The following XYLT1 variants were observed in gnomAD, a reference collection of about 807,000 sequenced individuals.
XYLT1 encodes xylosyltransferase 1.
In XYLT1, 36 loss-of-function variants were observed where a neutral mutation model predicts 91.3. That is an observed-to-expected ratio of 0.39 (90% CI 0.30 to 0.52). The LOEUF is 0.52. Among genes scored for constraint, XYLT1 ranks in the 20% least tolerant of loss-of-function variants. The pLI is 0.68. For missense variants in XYLT1, 1,242 were observed against 1,284.5 expected (o/e 0.97, Z 0.51); for synonymous variants, 588 against 532.0 (o/e 1.11, Z -1.45).
chr16:17,406,879 G>A (rs1174877913), intron 1 of XYLT1, among the ~76,000 whole-genome samples: 1 of 152,118 alleles, frequency 6.6e-6, no homozygotes, highest in Non-Finnish European at 1.5e-5. Context: ...CCCTGGGTTG[G>A]GTGTGGTATG....
intron 10 of XYLT1, among the ~76,000 whole-genome samples, chr16:17,127,374 C>T (rs767653325): frequency 4.6e-5 from 7 of 152,134 alleles, no homozygotes; most frequent in Non-Finnish European, 1.0e-4. Flanking sequence ...TAAAATGGGA[C>T]TAATATTACT....
intron 1 of XYLT1, among the ~76,000 whole-genome samples, chr16:17,465,556 T>TGGGGGG (rs68156050): frequency 3.0e-5 from 3 of 101,226 alleles, no homozygotes; most frequent in Admixed American, 9.3e-5. Context: ...TGTTTTTTTT[T>TGGGGGG]GGGGGGGGGG....
chr16:17,214,513 C>G (rs2032819686), intron 3 of XYLT1, among the ~76,000 whole-genome samples: 1 of 152,174 alleles, frequency 6.6e-6, no homozygotes, highest in African/African-American at 2.4e-5. Context: ...ACTCCTGATC[C>G]ATAGAATCCA....
intron 2 of XYLT1, among the ~76,000 whole-genome samples, chr16:17,331,390 A>C (rs1282718889): frequency 1.3e-5 from 2 of 152,192 alleles, no homozygotes; most frequent in African/African-American, 4.8e-5. Context: ...AAAGAGAATG[A>C]GCCAATGTCT....
chr16:17,167,125 G>T (rs1296544825), intron 5 of XYLT1, among the ~76,000 whole-genome samples: 2 of 152,212 alleles, frequency 1.3e-5, no homozygotes, highest in African/African-American at 4.8e-5. Context: ...GAGGGGAGAT[G>T]CAGACCTCAG....
At chr16:17,371,030 TG>T in intron 1 of XYLT1, among the ~76,000 whole-genome samples, 1 of 152,200 alleles carries the variant, frequency 6.6e-6, no homozygotes. Flanking sequence ...CACTTTCAGC[TG>T]GAGGACCTGA....
At chr16:17,234,075 G>A (rs2033209068) in intron 3 of XYLT1, among the ~76,000 whole-genome samples, 1 of 152,172 alleles carries the variant, frequency 6.6e-6, no homozygotes, top group Non-Finnish European at 1.5e-5. Context: ...CCGGACCTAA[G>A]ACACACTTAT....
chr16:17,144,753 T>A (rs1444355667), intron 6 of XYLT1, among the ~76,000 whole-genome samples: 1 of 152,194 alleles, frequency 6.6e-6, no homozygotes, highest in Non-Finnish European at 1.5e-5. Flanking sequence ...GGGATCTAAG[T>A]GTCTCGAGGA....
chr16:17,368,559 ATAGAT>A (rs891075097), intron 1 of XYLT1, among the ~76,000 whole-genome samples: 5 of 118,038 alleles, frequency 4.2e-5, no homozygotes, highest in Admixed American at 7.9e-5. Context: ...GACTGGATAG[ATAGAT>A]TTTTTTTTTT....
chr16:17,410,653 T>TC (rs1418072182), intron 1 of XYLT1, among the ~76,000 whole-genome samples: 1 of 150,782 alleles, frequency 6.6e-6, no homozygotes, highest in East Asian at 1.9e-4. Flanking sequence ...TACTTTTTTT[T>TC]TTTTTTTTTT....
At position 17,114,358 on chromosome 16, in the gene XYLT1, G is replaced by A. The variant is rs572095273; in HGVS notation, c.2557+3288C>T. Reference sequence around the variant, plus strand: ...CAGACTTGTGATTAGCGGGCAGAAGGGGGTGGTCTTATGGCACTGAGCCCT... The same window carrying A: ...CAGACTTGTGATTAGCGGGCAGAAGAGGGTGGTCTTATGGCACTGAGCCCT... On this transcript the variant is annotated intron_variant, in intron 11 of 11. Coordinates refer to ENST00000261381, the MANE Select transcript of XYLT1 (RefSeq NM_022166.4). 7.2e-5 allele frequency among the ~76,000 whole-genome samples: 11 copies of A among 152,324 alleles called. No homozygotes were observed. The South Asian group carries it at 1.5e-3, about 20-fold the overall frequency.
intron 10 of XYLT1, 51 bp from the exon 11 acceptor site, chr16:17,118,030 A>G: frequency 1.3e-6 from 2 of 1,553,484 alleles, no homozygotes; most frequent in Non-Finnish European, 1.7e-6. Context: ...CTAGGGGGCT[A>G]GGTCTCAGAA....
intron 3 of XYLT1, among the ~76,000 whole-genome samples, chr16:17,254,013 T>A (rs1223824452): frequency 6.6e-6 from 1 of 152,176 alleles, no homozygotes; most frequent in African/African-American, 2.4e-5. Context: ...TGGCCATGTG[T>A]TTCTGGCCAA....
chr16:17,441,564 AACTT>A (rs139962905), intron 1 of XYLT1, among the ~76,000 whole-genome samples: 15,985 of 152,102 alleles, frequency 0.11, 1,001 homozygotes, highest in South Asian at 0.17. Context: ...CTAGAGTACC[AACTT>A]ACTTCTCCTG....
intron 2 of XYLT1, among the ~76,000 whole-genome samples, chr16:17,322,918 G>A (rs7204895): frequency 6.6e-6 from 1 of 152,218 alleles, no homozygotes; most frequent in African/African-American, 2.4e-5. Flanking sequence ...TGGCACAAAG[G>A]GGGTGCTTGA....
At position 17,108,466 on chromosome 16, in the gene XYLT1, GAC is replaced by G; in HGVS notation, c.*227_*228del. 2.2e-6 allele frequency: 1 copy of G among 445,664 alleles called. No individual in the cohort carries two copies. Among genetic ancestry groups the G allele is most frequent in the Non-Finnish European group, 3.9e-6 (1 of 253,868 alleles). 27.6% of individuals were successfully genotyped at this position (445,664 alleles called of 1,614,324 possible). A position where few individuals can be genotyped will look rare whatever the true frequency, so the allele number is the denominator to read the frequency against. On this transcript the variant is annotated 3_prime_UTR_variant, in exon 12 of 12. Transcript: ENST00000261381. The stretch of plus-strand genomic sequence containing the variant: ...CTTGAGGATCAACCAGAAGAGGTGA[GAC>G]AGTCACAGTGCAGGGACTGAGCCAT...
At chr16:17,148,235 A>G (rs954289637) in intron 6 of XYLT1, among the ~76,000 whole-genome samples, 6 of 152,230 alleles carry the variant, frequency 3.9e-5, no homozygotes, top group African/African-American at 1.4e-4. Flanking sequence ...TGTTCACCCA[A>G]GCAATGAACC....
At chr16:17,433,117 A>G (rs939749004) in intron 1 of XYLT1, among the ~76,000 whole-genome samples, 1 of 152,096 alleles carries the variant, frequency 6.6e-6, no homozygotes, top group Non-Finnish European at 1.5e-5. Context: ...CAGCTGTGTT[A>G]GAAAAAAAAA....
intron 11 of XYLT1, among the ~76,000 whole-genome samples, chr16:17,115,389 TGA>T (rs1049901648): frequency 1.5e-5 from 2 of 135,432 alleles, no homozygotes; most frequent in East Asian, 2.3e-4. Context: ...GAGGCTGAGG[TGA>T]GAGAATTACT....
Sources: allele counts gnomAD v4.1 joint callset (sites outside exome capture counted in the v4.1 genomes callset), GRCh38; gene constraint gnomAD v4.1.1; transcripts MANE v1.5; gene names NCBI Gene and HGNC (gene_info 2026-07-23, HGNC 2026-07-21).